Variants in FBXW7 observed in about 807,000 individuals in gnomAD.
The protein encoded by FBXW7 is F-box/WD repeat-containing protein 7.
Under a neutral mutation model 86.3 loss-of-function variants are expected in FBXW7, and 11 were observed. The observed-to-expected ratio is 0.13, with a 90% CI of 0.08 to 0.21. The LOEUF (loss-of-function observed/expected upper bound fraction) is 0.21, where lower values mean the gene tolerates loss of function less well. Ranked by LOEUF, FBXW7 falls within the 10% of genes least tolerant of loss-of-function variation. FBXW7 has a pLI of 1.00. For synonymous variants in FBXW7, 313 were observed against 297.9 expected (o/e 1.05, Z -0.52); for missense variants, 488 against 847.4 (o/e 0.58, Z 5.27).
rs914504330 is a variant in FBXW7 at position 152,535,430 on chromosome 4, C to T, written c.-516G>A. ...GAGGGGGAAGGTGAGGAAAGGACGGCGGCGTCGGTCCTGTTCTCTCCGCCG... is the reference window on the plus strand; with the variant it reads ...GAGGGGGAAGGTGAGGAAAGGACGGTGGCGTCGGTCCTGTTCTCTCCGCCG... On this transcript the variant is annotated 5_prime_UTR_variant, in exon 1 of 14. Coordinates refer to ENST00000281708, the MANE Select transcript of FBXW7 (RefSeq NM_001349798.2). 1.0e-5 allele frequency: 4 copies of T among 388,978 alleles called. No homozygotes were observed. Among genetic ancestry groups the T allele is most frequent in the Admixed American group, 8.9e-5 (2 of 22,374 alleles). The allele number at this position is 388,978 out of a possible 1,614,324, so 24.1% of individuals were successfully genotyped here. A position where few individuals can be genotyped will look rare whatever the true frequency, so the allele number is the denominator to read the frequency against.
chr4:152,464,732 T>C (rs1743252361), intron 2 of FBXW7, among the ~76,000 whole-genome samples: 1 of 152,112 alleles, frequency 6.6e-6, no homozygotes, highest in Admixed American at 6.5e-5. Flanking sequence ...GTTAAAGAGA[T>C]TTTGGAAATC....
At chr4:152,474,695 G>A (rs1460800587) in intron 2 of FBXW7, among the ~76,000 whole-genome samples, 1 of 152,050 alleles carries the variant, frequency 6.6e-6, no homozygotes, top group African/African-American at 2.4e-5. Context: ...TTAAGATGGA[G>A]TCTCACTGTT....
rs1270609037 is a variant in FBXW7, at chr4:152,322,563, C to T, written c.*318G>A. On this transcript the variant is annotated 3_prime_UTR_variant, in exon 14 of 14. Coordinates refer to ENST00000281708, the MANE Select transcript of FBXW7 (RefSeq NM_001349798.2). ...TTTCAGCATTAACACTGCCCAATGACCACTGGAGAAGAAAATAAAGAAATA... is the reference window on the plus strand; with the variant it reads ...TTTCAGCATTAACACTGCCCAATGATCACTGGAGAAGAAAATAAAGAAATA... 1 of 353,852 alleles carries T rather than the reference C, an allele frequency of 2.8e-6. No individual in the cohort carries two copies. The highest frequency in any genetic ancestry group is 4.3e-5 in the Admixed American group (1 of 23,072). The allele number at this position is 353,852 out of a possible 1,614,324, so 21.9% of individuals were successfully genotyped here.
At chr4:152,440,917 T>C (rs1014243013) in intron 2 of FBXW7, among the ~76,000 whole-genome samples, 1 of 152,048 alleles carries the variant, frequency 6.6e-6, no homozygotes, top group Non-Finnish European at 1.5e-5. Flanking sequence ...TCTTTCTTCA[T>C]TGCTTAAGTT....
intron 4 of FBXW7, among the ~76,000 whole-genome samples, chr4:152,370,343 C>G (rs948662584): frequency 6.6e-6 from 1 of 151,894 alleles, no homozygotes; most frequent in Non-Finnish European, 1.5e-5. Flanking sequence ...ATTTTCCCAT[C>G]ATTATATGAG....
chr4:152,387,988 G>A (rs1387856290), intron 4 of FBXW7, among the ~76,000 whole-genome samples: 1 of 151,998 alleles, frequency 6.6e-6, no homozygotes, highest in African/African-American at 2.4e-5. Flanking sequence ...GATTACAGGC[G>A]TGAGCCACAG....
At chr4:152,459,224 A>G (rs1742711451) in intron 2 of FBXW7, among the ~76,000 whole-genome samples, 1 of 152,222 alleles carries the variant, frequency 6.6e-6, no homozygotes, top group Non-Finnish European at 1.5e-5. Flanking sequence ...GTGCTACAAA[A>G]TATTTAAACC....
At chr4:152,446,613 C>T (rs1156265627) in intron 2 of FBXW7, among the ~76,000 whole-genome samples, 2 of 152,200 alleles carry the variant, frequency 1.3e-5, no homozygotes, top group African/African-American at 4.8e-5. Context: ...TTAGAAAAGG[C>T]AGCTCCACTG....
chr4:152,533,346 G>A (rs772802815), intron 2 of FBXW7, among the ~76,000 whole-genome samples: 1 of 152,060 alleles, frequency 6.6e-6, no homozygotes, highest in Non-Finnish European at 1.5e-5. Context: ...AGCTTCTACT[G>A]TATTTTGGGT....
At position 152,326,001 on chromosome 4, in the gene FBXW7, C is replaced by A. The variant is rs2126491599; in HGVS notation, c.1644+5G>T. The A allele has an allele frequency of 6.2e-7, 1 of 1,610,208 alleles. No homozygotes were observed. Among genetic ancestry groups the A allele is most frequent in the Non-Finnish European group, 8.5e-7 (1 of 1,176,882 alleles). On this transcript the variant is annotated splice_donor_5th_base_variant and intron_variant, in intron 12 of 13. Transcript: ENST00000281708. ...AGCATTTAAGGGAGAGATAAGAGAT[C>A]TTACCTGTAATGAATAGACTCTATT...
intron 4 of FBXW7, among the ~76,000 whole-genome samples, chr4:152,401,587 C>T (rs1305801712): frequency 1.3e-5 from 2 of 152,254 alleles, no homozygotes; most frequent in African/African-American, 2.4e-5. Context: ...TGAAACCATT[C>T]TCTATGGTAC....
At chr4:152,524,290 GCTA>G in intron 2 of FBXW7, among the ~76,000 whole-genome samples, 1 of 152,244 alleles carries the variant, frequency 6.6e-6, no homozygotes, top group East Asian at 1.9e-4. Context: ...TTGCCTCTCA[GCTA>G]CTATGTCACA....
At chr4:152,508,075 GA>G (rs113719352) in intron 2 of FBXW7, among the ~76,000 whole-genome samples, 16 of 141,020 alleles carry the variant, frequency 1.1e-4, no homozygotes, top group East Asian at 6.1e-4. Context: ...GACTCAAAAA[GA>G]AAAAAAAAAA....
At position 152,508,062 on chromosome 4, in the gene FBXW7, C is replaced by T. The variant is rs553789410; in HGVS notation, c.-120+26879G>A. ...TCCAGCCTGAGTGACACAGCAGGACCCTGACTCAAAAAGAAAAAAAAAAAG... is the reference window on the plus strand; with the variant it reads ...TCCAGCCTGAGTGACACAGCAGGACTCTGACTCAAAAAGAAAAAAAAAAAG... On this transcript the variant is annotated intron_variant, in intron 2 of 13. Coordinates refer to ENST00000281708, the MANE Select transcript of FBXW7 (RefSeq NM_001349798.2). Among the ~76,000 whole-genome samples, 37 of 151,440 alleles carry T rather than the reference C, an allele frequency of 2.4e-4. 1 individual carries two copies. In the South Asian group the frequency reaches 7.5e-3, roughly 31 times the overall value.
chr4:152,509,314 T>A (rs1747743236), intron 2 of FBXW7, among the ~76,000 whole-genome samples: 1 of 152,142 alleles, frequency 6.6e-6, no homozygotes, highest in Non-Finnish European at 1.5e-5. Context: ...GGAACTTGAA[T>A]GAAGGGCATA....
At chr4:152,382,197 G>A (rs563955228) in intron 4 of FBXW7, 7 of 1,547,446 alleles carry the variant, frequency 4.5e-6, no homozygotes, top group African/African-American at 1.4e-5. Flanking sequence ...ACCCGTCTTC[G>A]ACAAAAAGGG....
At chr4:152,503,226 T>C (rs1436211456) in intron 2 of FBXW7, among the ~76,000 whole-genome samples, 1 of 152,194 alleles carries the variant, frequency 6.6e-6, no homozygotes, top group East Asian at 1.9e-4. Context: ...AAAATTACTA[T>C]TTCCCTTTAG....
chr4:152,399,582 AC>A (rs555894344), intron 4 of FBXW7, among the ~76,000 whole-genome samples: 11 of 152,222 alleles, frequency 7.2e-5, no homozygotes, highest in African/African-American at 2.2e-4. Flanking sequence ...TAAAAAATTG[AC>A]CAAAAAAAAG....
chr4:152,501,750 C>T (rs1431827717), intron 2 of FBXW7, among the ~76,000 whole-genome samples: 1 of 151,988 alleles, frequency 6.6e-6, no homozygotes, highest in African/African-American at 2.4e-5. Flanking sequence ...TGTGAAAGAG[C>T]TATTAAACAA....
Sources: gnomAD v4.1 joint callset for allele counts (sites outside exome capture counted in the v4.1 genomes callset) on GRCh38, gnomAD v4.1.1 for gene constraint, MANE v1.5 for transcripts, NCBI Gene and HGNC (gene_info 2026-07-23, HGNC 2026-07-21) for gene names.